The following NCOR2 variants were observed in gnomAD, a reference collection of about 807,000 sequenced individuals.
NCOR2 encodes nuclear receptor corepressor 2.
A neutral mutation model predicts 262.9 loss-of-function variants in NCOR2; 81 were observed. The ratio of observed to expected loss-of-function variants is 0.31; its 90% confidence interval spans 0.26 to 0.37. The LOEUF (loss-of-function observed/expected upper bound fraction) is 0.37, where lower values mean the gene tolerates loss of function less well. Among genes scored for constraint, NCOR2 ranks in the 10% least tolerant of loss-of-function variants. The pLI, the probability that NCOR2 is intolerant of heterozygous loss-of-function variation, is 1.00. For missense variants in NCOR2, 3,385 were observed against 3,621.4 expected (o/e 0.93, Z 1.68); for synonymous variants, 1,659 against 1,559.3 (o/e 1.06, Z -1.51).
intron 1 of NCOR2, among the ~76,000 whole-genome samples, chr12:124,535,220 G>A (rs58655827): frequency 0.038 from 5,856 of 152,274 alleles, 224 homozygotes; most frequent in African/African-American, 0.1. Flanking sequence ...CGGGCCCACC[G>A]CCAAAGCACA....
chr12:124,381,316 C>T (rs1414788269), intron 17 of NCOR2, among the ~76,000 whole-genome samples: 5 of 152,198 alleles, frequency 3.3e-5, no homozygotes, highest in South Asian at 2.1e-4. Flanking sequence ...TCACCTCCTT[C>T]GGGCCTTAGC....
At chr12:124,400,427 C>T (rs1386521726) in intron 15 of NCOR2, 74 bp downstream of exon 17, 11 of 1,559,572 alleles carry the variant, frequency 7.1e-6, no homozygotes, top group Admixed American at 3.5e-5. Context: ...TCAAATTGCA[C>T]GAAACTTTCA....
chr12:124,450,912 G>A (rs940107258), intron 6 of NCOR2, among the ~76,000 whole-genome samples: 35 of 152,370 alleles, frequency 2.3e-4, no homozygotes, highest in African/African-American at 7.0e-4. Flanking sequence ...GATCAAACGA[G>A]ACAGTGCATG....
chr12:124,470,024 G>T (rs758171609), intron 4 of NCOR2, among the ~76,000 whole-genome samples: 2 of 151,952 alleles, frequency 1.3e-5, no homozygotes, highest in Admixed American at 1.3e-4. Context: ...AAATTAGCTC[G>T]GTGTGGTGAT....
chr12:124,500,931 C>T (rs572052141), intron 1 of NCOR2, among the ~76,000 whole-genome samples: 1 of 152,238 alleles, frequency 6.6e-6, no homozygotes. Context: ...CTGCGCCGCA[C>T]GTGCCTGAAA....
chr12:124,511,391 C>A (rs146315914), intron 1 of NCOR2, among the ~76,000 whole-genome samples: 1 of 152,370 alleles, frequency 6.6e-6, no homozygotes, highest in Non-Finnish European at 1.5e-5. Context: ...GTGGCCTCTG[C>A]CAAGTAGCCT....
At chr12:124,327,463 C>T in exon 45 of NCOR2, 1 of 1,613,216 alleles carries the variant, frequency 6.2e-7, no homozygotes, top group Non-Finnish European at 8.5e-7. Flanking sequence ...ATGGGCATAG[C>T]AGCGGGCAGG....
intron 1 of NCOR2, among the ~76,000 whole-genome samples, chr12:124,561,318 A>G (rs2052063546): frequency 6.6e-6 from 1 of 152,188 alleles, no homozygotes; most frequent in South Asian, 2.1e-4. Flanking sequence ...CAAATTTATT[A>G]AAAGTAAAAA....
exon 29 of NCOR2, chr12:124,348,271 G>A: frequency 6.2e-7 from 1 of 1,613,010 alleles, no homozygotes; most frequent in Non-Finnish European, 8.5e-7. Flanking sequence ...GTCCTGAGCT[G>A]CTTCTGCCGT....
In NCOR2 at chr12:124,332,147, C is replaced by T. The variant is rs781653742; in HGVS notation, c.6904+172G>A. The T allele has an allele frequency of 5.3e-6, 4 of 750,794 alleles. 1 individual carries two copies. The highest frequency in any genetic ancestry group is 3.7e-5 in the South Asian group (2 of 54,286). 46.5% of individuals were successfully genotyped at this position (750,794 alleles called of 1,614,324 possible). ...AAAGCCCAGCAAATCAAGAAACTGC[C>T]CTGGGGCTCCCCAAATGTGAGGCAA... On this transcript the variant is annotated intron_variant, in intron 43 of 46. Coordinates refer to ENST00000405201, the Ensembl canonical transcript of NCOR2.
chr12:124,484,764 C>T (rs987505285), intron 2 of NCOR2, among the ~76,000 whole-genome samples: 1 of 152,244 alleles, frequency 6.6e-6, no homozygotes, highest in African/African-American at 2.4e-5. Context: ...TCTCTCTCCA[C>T]TGCCCTCCCA....
At chr12:124,326,159 C>A in intron 46 of NCOR2, 32 bp downstream of exon 48, 1 of 1,458,570 alleles carries the variant, frequency 6.9e-7, no homozygotes, top group South Asian at 1.4e-5. Flanking sequence ...GGGGGCTCAG[C>A]GAGCCCAGCC....
chr12:124,379,013 C>CGGGATGGGACA (rs56128768), intron 17 of NCOR2, among the ~76,000 whole-genome samples: 62,074 of 149,216 alleles, frequency 0.42, 15,673 homozygotes, highest in Middle Eastern at 0.57. Flanking sequence ...GTGGGTGAAA[C>CGGGATGGGACA]AGGATGGGAC....
At chr12:124,430,926 T>C in intron 8 of NCOR2, 139 bp from the exon 11 acceptor site, 1 of 980,926 alleles carries the variant, frequency 1.0e-6, no homozygotes, top group Non-Finnish European at 1.5e-6. Flanking sequence ...ACATATACAG[T>C]CAGATACAGC....
In NCOR2 at chr12:124,476,296, C is replaced by G. The variant is rs370879860; in HGVS notation, c.412-3165G>C. Among the ~76,000 whole-genome samples, 7 of 152,336 alleles carry G rather than the reference C, an allele frequency of 4.6e-5. No homozygotes were observed. In the South Asian group the frequency reaches 1.4e-3, roughly 32 times the overall value. ...GGTCCACCTTGGGTGCTTGGCTGGT[C>G]TCTCCCTACAGCCCATGTCATTTCT... On this transcript the variant is annotated intron_variant, in intron 3 of 46. Coordinates refer to ENST00000405201, the Ensembl canonical transcript of NCOR2.
chr12:124,544,730 C>T (rs1415750598), intron 1 of NCOR2, among the ~76,000 whole-genome samples: 1 of 152,214 alleles, frequency 6.6e-6, no homozygotes, highest in Non-Finnish European at 1.5e-5. Context: ...GGTGCCCACA[C>T]ACAGGAGGGG....
At chr12:124,494,927 C>T (rs550363062) in intron 1 of NCOR2, among the ~76,000 whole-genome samples, 1 of 152,338 alleles carries the variant, frequency 6.6e-6, no homozygotes, top group Admixed American at 6.5e-5. Context: ...TGGCCCCAGC[C>T]TCCATCTTCC....
intron 39 of NCOR2, 79 bp downstream of exon 41, chr12:124,335,404 T>C (rs1292614125): frequency 1.3e-6 from 2 of 1,531,822 alleles, no homozygotes; most frequent in African/African-American, 2.7e-5. Context: ...GGCACCTCTG[T>C]TTTCCTATCT....
chr12:124,506,531 C>G (rs1053883629), intron 1 of NCOR2, among the ~76,000 whole-genome samples: 3 of 151,610 alleles, frequency 2.0e-5, no homozygotes, highest in African/African-American at 7.3e-5. Context: ...GGAGATAAAC[C>G]ACAGCAGGAC....
Sources: allele counts gnomAD v4.1 joint callset (sites outside exome capture counted in the v4.1 genomes callset), GRCh38; gene constraint gnomAD v4.1.1; transcripts MANE v1.5; gene names NCBI Gene and HGNC (gene_info 2026-07-23, HGNC 2026-07-21).